WDR41: variants seen among roughly 807,000 people sequenced by gnomAD.
WDR41 encodes the protein WD repeat-containing protein 41.
Under a neutral mutation model 69.3 loss-of-function variants are expected in WDR41, and 63 were observed. The ratio of observed to expected loss-of-function variants is 0.91; its 90% CI spans 0.74 to 1.12. The LOEUF (loss-of-function observed/expected upper bound fraction) is 1.12. Ranked by LOEUF, WDR41 falls within the 50% of genes most tolerant of loss-of-function variation. WDR41 has a pLI of 0.00. For missense variants in WDR41, 543 were observed against 534.5 expected, an observed-to-expected ratio of 1.02 and a Z score of -0.16; for synonymous variants, 185 against 192.1, an observed-to-expected ratio of 0.96 and a Z score of 0.31.
chr5:77,488,840 T>C (rs550211114), intron 2 of WDR41, among the ~76,000 whole-genome samples: 18 of 152,196 alleles, frequency 1.2e-4, no homozygotes, highest in Middle Eastern at 3.2e-3. Context: ...TATGTAATTA[T>C]TATGGTGAAA....
intron 1 of WDR41, among the ~76,000 whole-genome samples, chr5:77,565,393 C>A (rs1464817716): frequency 6.6e-6 from 1 of 152,104 alleles, no homozygotes; most frequent in East Asian, 1.9e-4. Flanking sequence ...TTTTTCAGAT[C>A]TAATTTTTAG....
In WDR41 at chr5:77,542,634, T is replaced by C. The variant is rs188607000; in HGVS notation, c.43-53062A>G. The stretch of plus-strand genomic sequence containing the variant: ...GACAGAGCATGTAAGCCAGGAGTGG[T>C]ATGATTAGAATTAAAATGTTCTAAG... On this transcript the variant is annotated intron_variant, in intron 1 of 5. Transcript: ENST00000509971. 7.9e-5 allele frequency among the ~76,000 whole-genome samples: 12 copies of C among 152,272 alleles called. No individual in the cohort carries two copies. In the East Asian group the frequency reaches 2.1e-3, roughly 27 times the overall value.
At position 77,579,581 on chromosome 5, in the gene WDR41, A is replaced by G. The variant is rs76873793; in HGVS notation, c.42+40898T>C. ...AAGAATCCTATATACAGCAAAAGCT[A>G]TCTTTCAAAAAAGAAGTTATAATAA... On this transcript the variant is annotated intron_variant, in intron 1 of 5. Coordinates refer to the WDR41 transcript ENST00000509971. Among the ~76,000 whole-genome samples, 5 of 152,338 alleles carry G rather than the reference A, an allele frequency of 3.3e-5. No individual in the cohort carries two copies. The East Asian group carries it at 9.6e-4, about 29-fold the overall frequency.
At chr5:77,469,184 C>A (rs140273789) in intron 2 of WDR41, among the ~76,000 whole-genome samples, 24 of 151,768 alleles carry the variant, frequency 1.6e-4, no homozygotes, top group African/African-American at 3.9e-4. Context: ...TAGGTGGGAA[C>A]TGAAGAATGA....
rs761901946 is a variant in WDR41, at chr5:77,449,750, A to C, written c.697+10T>G. 2 of 1,574,608 alleles carry C rather than the reference A, an allele frequency of 1.3e-6. No homozygotes were observed. The highest frequency in any genetic ancestry group is 4.5e-5 in the East Asian group (2 of 44,656). ...AAACTGTACATAATAAATGTACACA[A>C]TGAGCTTACCATTGACATTAATCAA... On this transcript the variant is annotated intron_variant, in intron 8 of 12. Transcript: ENST00000296679.
chr5:77,575,182 A>G (rs1743807478), intron 1 of WDR41, among the ~76,000 whole-genome samples: 1 of 152,186 alleles, frequency 6.6e-6, no homozygotes, highest in Non-Finnish European at 1.5e-5. Context: ...GCTTTCTTCC[A>G]TCATTATACC....
rs1345425640 is a variant in WDR41 at position 77,431,198 on chromosome 5, T to G, written c.*1937A>C. ...TATTACATGTTACAGAGATCTCATT[T>G]GTGAAAGGAAGTCAATTGATTTGGA... On this transcript the variant is annotated 3_prime_UTR_variant, in exon 13 of 13. Transcript: ENST00000296679. 6 of 152,196 alleles carry G rather than the reference T, an allele frequency of 3.9e-5. No homozygotes were observed. The highest frequency in any genetic ancestry group is 9.7e-5 in the African/African-American group (4 of 41,448). The allele number at this position is 152,196 out of a possible 1,614,324, so 9.4% of individuals were successfully genotyped here.
At chr5:77,460,891 A>T (rs1252455987) in intron 4 of WDR41, among the ~76,000 whole-genome samples, 1 of 152,168 alleles carries the variant, frequency 6.6e-6, no homozygotes, top group Admixed American at 6.5e-5. Flanking sequence ...GGGATGCTCA[A>T]CCTGTAGTAA....
At chr5:77,454,708 T>C (rs1371451394) in intron 5 of WDR41, among the ~76,000 whole-genome samples, 1 of 152,130 alleles carries the variant, frequency 6.6e-6, no homozygotes, top group African/African-American at 2.4e-5. Flanking sequence ...GAACAGAAAA[T>C]AAAAGGCAGA....
chr5:77,522,638 C>CA (rs1050233943), intron 1 of WDR41, among the ~76,000 whole-genome samples: 6 of 149,926 alleles, frequency 4.0e-5, no homozygotes, highest in African/African-American at 7.4e-5. Flanking sequence ...GACTCTGTCT[C>CA]AAAAAAAAGG....
chr5:77,617,654 G>A (rs999592476), intron 1 of WDR41, among the ~76,000 whole-genome samples: 19 of 152,086 alleles, frequency 1.2e-4, no homozygotes, highest in Non-Finnish European at 1.9e-4. Flanking sequence ...TACCATCTAC[G>A]TTTTTGGTCA....
In WDR41 at chr5:77,577,785, A is replaced by G. The variant is rs138367846; in HGVS notation, c.42+42694T>C. On this transcript the variant is annotated intron_variant, in intron 1 of 5. Coordinates refer to the WDR41 transcript ENST00000509971. ...ACCTCAGAAACTACAGGTGCTCCTC[A>G]ACTTATTATGGAGTTATGTCCCAAT... Among the ~76,000 whole-genome samples the G allele has an allele frequency of 4.2e-3, 644 of 152,334 alleles. 1 individual carries two copies. Among genetic ancestry groups the G allele is most frequent in the Middle Eastern group, 6.8e-3 (2 of 294 alleles).
chr5:77,526,338 C>T (rs1306743240), intron 1 of WDR41, among the ~76,000 whole-genome samples: 1 of 151,932 alleles, frequency 6.6e-6, no homozygotes, highest in Non-Finnish European at 1.5e-5. Flanking sequence ...AATGTGGTCA[C>T]AGCTACAAAA....
chr5:77,485,562 C>T (rs1022449634), intron 2 of WDR41, among the ~76,000 whole-genome samples: 1 of 152,110 alleles, frequency 6.6e-6, no homozygotes. Flanking sequence ...AAGGAATGGT[C>T]AAATGAGCAA....
chr5:77,498,900 A>G (rs1801975419), intron 1 of WDR41, among the ~76,000 whole-genome samples: 1 of 152,140 alleles, frequency 6.6e-6, no homozygotes, highest in Non-Finnish European at 1.5e-5. Flanking sequence ...AGTACAATCC[A>G]TAAAAGAAAA....
intron 1 of WDR41, among the ~76,000 whole-genome samples, chr5:77,557,912 G>A (rs1400931611): frequency 2.6e-5 from 4 of 151,802 alleles, no homozygotes; most frequent in Admixed American, 6.6e-5. Flanking sequence ...GAATGTATAC[G>A]GTATGATTAT....
intron 2 of WDR41, among the ~76,000 whole-genome samples, chr5:77,481,330 C>G (rs557466277): frequency 1.5e-4 from 23 of 151,870 alleles, no homozygotes; most frequent in Admixed American, 3.3e-4. Flanking sequence ...TCTGAAGATT[C>G]ATCTGTTCAC....
At chr5:77,466,211 G>A (rs1800297585) in intron 2 of WDR41, among the ~76,000 whole-genome samples, 1 of 151,800 alleles carries the variant, frequency 6.6e-6, no homozygotes, top group Admixed American at 6.6e-5. Context: ...ATTTTAAAAT[G>A]TAACATATAA....
intron 1 of WDR41, among the ~76,000 whole-genome samples, chr5:77,533,351 A>T (rs1742900928): frequency 6.6e-6 from 1 of 152,238 alleles, no homozygotes. Flanking sequence ...AAGGAAAGAT[A>T]GGTAGTCAGA....
Sources: allele counts gnomAD v4.1 joint callset (sites outside exome capture counted in the v4.1 genomes callset), GRCh38; gene constraint gnomAD v4.1.1; transcripts MANE v1.5; gene names NCBI Gene and HGNC (gene_info 2026-07-23, HGNC 2026-07-21).